The following PDE4D variants were observed in gnomAD, a reference collection of about 807,000 sequenced individuals.
PDE4D encodes the protein phosphodiesterase 4D, also known as 3',5'-cyclic-AMP phosphodiesterase 4D.
Under a neutral mutation model 87.4 loss-of-function variants are expected in PDE4D, and 24 were observed. The ratio of observed to expected loss-of-function variants is 0.27; its 90% CI spans 0.20 to 0.39. The LOEUF is 0.39. Among genes scored for constraint, PDE4D ranks in the 10% least tolerant of loss-of-function variants. PDE4D has a pLI of 1.00. For synonymous variants in PDE4D, 384 were observed against 383.2 expected (o/e 1.00, Z -0.02); for missense variants, 714 against 1,041.0 (o/e 0.69, Z 4.32).
intron 1 of PDE4D, among the ~76,000 whole-genome samples, chr5:59,602,441 A>G (rs1827641589): frequency 6.6e-6 from 1 of 152,070 alleles, no homozygotes; most frequent in Admixed American, 6.6e-5. Flanking sequence ...AAAAATCAGT[A>G]GTGTTGATAT....
chr5:59,429,988 T>A (rs886445625), intron 1 of PDE4D, among the ~76,000 whole-genome samples: 2 of 152,132 alleles, frequency 1.3e-5, no homozygotes, highest in African/African-American at 4.8e-5. Flanking sequence ...AATAAATATA[T>A]CCATTATTTG....
intron 1 of PDE4D, among the ~76,000 whole-genome samples, chr5:60,283,870 A>T (rs1402061328): frequency 1.3e-5 from 2 of 152,110 alleles, no homozygotes; most frequent in African/African-American, 4.8e-5. Context: ...GCACATGAGG[A>T]CTGCGTGTAT....
Position 58,989,772 on chromosome 5 carries a change from A to T in PDE4D, c.1435T>A (p.Ser479Thr). ...AGATTTACCTCCAAAGCAGGTGTAG[A>T]TAATAGCACATGAGTAGACTGGACA... ...DVVQSTHVLL[S>T]TPALEAVFTD... The change falls in exon 10 of 15, where the codon TCT (serine) becomes ACT (threonine). Residue 479 changes from serine (S) to threonine (T), a missense_variant. Around this residue, in one of 7 missense-constraint regions of PDE4D, gnomAD observed 141 missense variants for 204.3 expected, o/e 0.69. Coordinates refer to ENST00000340635, the MANE Select transcript of PDE4D (RefSeq NM_001104631.2). 1.2e-6 allele frequency: 2 copies of T among 1,603,878 alleles called. No individual in the cohort carries two copies. Among genetic ancestry groups the T allele is most frequent in the Non-Finnish European group, 1.7e-6 (2 of 1,176,470 alleles).
chr5:60,062,198 C>T (rs1771483829), intron 2 of PDE4D, among the ~76,000 whole-genome samples: 1 of 152,086 alleles, frequency 6.6e-6, no homozygotes, highest in African/African-American at 2.4e-5. Context: ...TTACAAGGAA[C>T]TTAACCATAT....
chr5:60,106,184 C>CA (rs1234927028), intron 2 of PDE4D, among the ~76,000 whole-genome samples: 6 of 150,738 alleles, frequency 4.0e-5, no homozygotes, highest in East Asian at 1.9e-4. Flanking sequence ...AAATGGAAAG[C>CA]AAAAAAAGGC....
At chr5:60,171,506 G>C (rs570669712) in intron 2 of PDE4D, among the ~76,000 whole-genome samples, 1 of 152,172 alleles carries the variant, frequency 6.6e-6, no homozygotes, top group South Asian at 2.1e-4. Context: ...TGAGGTAGAA[G>C]GAAGGGTTAA....
intron 1 of PDE4D, among the ~76,000 whole-genome samples, chr5:60,505,264 AT>A (rs1364780593): frequency 6.6e-6 from 1 of 152,254 alleles, no homozygotes; most frequent in African/African-American, 2.4e-5. Context: ...TCTCCTTGCC[AT>A]TTTGGCACAT....
chr5:59,656,920 C>T (rs563513962), intron 1 of PDE4D, among the ~76,000 whole-genome samples: 143 of 152,212 alleles, frequency 9.4e-4, no homozygotes, highest in Non-Finnish European at 1.9e-3. Flanking sequence ...AAGTCTTTAA[C>T]TTTTTTTCTA....
intron 3 of PDE4D, among the ~76,000 whole-genome samples, chr5:59,906,668 A>G (rs1425802658): frequency 2.0e-5 from 3 of 152,170 alleles, no homozygotes; most frequent in Non-Finnish European, 4.4e-5. Flanking sequence ...TATTAGAATA[A>G]AAAAGCTCAA....
At chr5:60,469,902 A>T (rs1260108959) in intron 1 of PDE4D, among the ~76,000 whole-genome samples, 1 of 152,188 alleles carries the variant, frequency 6.6e-6, no homozygotes, top group Non-Finnish European at 1.5e-5. Context: ...TAATAACCCT[A>T]CAATTTCCTT....
chr5:60,096,848 C>A (rs1775727933), intron 2 of PDE4D, among the ~76,000 whole-genome samples: 1 of 152,042 alleles, frequency 6.6e-6, no homozygotes, highest in Non-Finnish European at 1.5e-5. Context: ...CAAGGTCATT[C>A]CAGTTTATAA....
chr5:59,564,291 G>C (rs1197969657), intron 1 of PDE4D, among the ~76,000 whole-genome samples: 1 of 152,106 alleles, frequency 6.6e-6, no homozygotes, highest in East Asian at 1.9e-4. Context: ...CAGGTGAGAG[G>C]AACAGCATAA....
At chr5:60,202,350 A>G (rs1045459908) in intron 1 of PDE4D, among the ~76,000 whole-genome samples, 2 of 152,038 alleles carry the variant, frequency 1.3e-5, no homozygotes, top group Non-Finnish European at 2.9e-5. Context: ...AAAATTTTGT[A>G]AAGATAGAGT....
chr5:59,065,515 A>C (rs1245288755), intron 5 of PDE4D, among the ~76,000 whole-genome samples: 1 of 152,172 alleles, frequency 6.6e-6, no homozygotes, highest in Non-Finnish European at 1.5e-5. Flanking sequence ...AAACAAAAAA[A>C]CCCAAAAAGA....
At chr5:60,155,487 A>G (rs1024362169) in intron 2 of PDE4D, among the ~76,000 whole-genome samples, 2 of 152,156 alleles carry the variant, frequency 1.3e-5, no homozygotes, top group Non-Finnish European at 1.5e-5. Flanking sequence ...TTCTGCATTC[A>G]AGTCTGGAGT....
chr5:60,408,554 G>A (rs1019366974), intron 1 of PDE4D, among the ~76,000 whole-genome samples: 4 of 152,142 alleles, frequency 2.6e-5, no homozygotes, highest in African/African-American at 9.7e-5. Flanking sequence ...TGCCTGGAAA[G>A]TCTTGCCAGT....
intron 1 of PDE4D, among the ~76,000 whole-genome samples, chr5:59,835,117 A>G (rs1424144882): frequency 6.6e-6 from 1 of 152,096 alleles, no homozygotes; most frequent in African/African-American, 2.4e-5. Context: ...TGAGAGCCAT[A>G]TTGGCCTAGG....
chr5:59,401,478 A>ATCTATCTG (rs150045951), intron 1 of PDE4D, among the ~76,000 whole-genome samples: 27 of 150,868 alleles, frequency 1.8e-4, no homozygotes, highest in African/African-American at 6.6e-4. Context: ...CTATCTATCT[A>ATCTATCTG]TCTATCTATT....
At chr5:59,494,792 C>T (rs968154511) in intron 1 of PDE4D, among the ~76,000 whole-genome samples, 3 of 152,276 alleles carry the variant, frequency 2.0e-5, no homozygotes, top group African/African-American at 4.8e-5. Flanking sequence ...GTACCTTCCC[C>T]GTAAACATGC....
Sources: gnomAD v4.1 joint callset for allele counts (sites outside exome capture counted in the v4.1 genomes callset) on GRCh38, gnomAD v4.1.1 for gene constraint, gnomAD v4.1.1 regional missense constraint, MANE v1.5 for transcripts, NCBI Gene and HGNC (gene_info 2026-07-23, HGNC 2026-07-21) for gene names.